Variants in PCDH15 observed in about 807,000 individuals in gnomAD.
PCDH15 encodes protocadherin related 15.
In PCDH15, 129 loss-of-function variants were observed where a neutral mutation model predicts 178.5. The ratio of observed to expected loss-of-function variants is 0.72; its 90% CI spans 0.63 to 0.84. PCDH15 has a LOEUF of 0.84. Among genes scored for constraint, PCDH15 ranks in the 40% least tolerant of loss-of-function variants. The pLI, the probability that PCDH15 is intolerant of heterozygous loss-of-function variation, is 0.00. For synonymous variants in PCDH15, 800 were observed against 732.0 expected, an observed-to-expected ratio of 1.09 and a Z score of -1.50; for missense variants, 2,230 against 2,099.9, an observed-to-expected ratio of 1.06 and a Z score of -1.21.
chr10:54,290,600 CA>C (rs2059337413), intron 8 of PCDH15, among the ~76,000 whole-genome samples: 1 of 152,058 alleles, frequency 6.6e-6, no homozygotes, highest in Non-Finnish European at 1.5e-5. Context: ...TACAGACTGG[CA>C]AATCGGATAA....
chr10:54,412,677 T>C (rs1490929782), intron 3 of PCDH15, among the ~76,000 whole-genome samples: 1 of 152,194 alleles, frequency 6.6e-6, no homozygotes, highest in Non-Finnish European at 1.5e-5. Flanking sequence ...GGATCTACCA[T>C]CCAGTTTCCA....
At chr10:53,839,960 T>C (rs1271529768) in intron 29 of PCDH15, among the ~76,000 whole-genome samples, 1 of 152,168 alleles carries the variant, frequency 6.6e-6, no homozygotes, top group Non-Finnish European at 1.5e-5. Flanking sequence ...CATATGAAAA[T>C]CATTGCAGAA....
chr10:54,052,275 A>G (rs1005525707), intron 18 of PCDH15, among the ~76,000 whole-genome samples: 3 of 152,178 alleles, frequency 2.0e-5, no homozygotes, highest in African/African-American at 7.2e-5. Context: ...TGTGCCTAGA[A>G]AAGCCGCAGG....
chr10:55,302,828 A>G (rs1588894472), intron 1 of PCDH15, among the ~76,000 whole-genome samples: 2 of 152,094 alleles, frequency 1.3e-5, no homozygotes, highest in Admixed American at 6.6e-5. Context: ...AATCCATACT[A>G]AATCTTCAAG....
chr10:54,358,036 C>T (rs942404195), intron 5 of PCDH15, among the ~76,000 whole-genome samples: 3 of 148,976 alleles, frequency 2.0e-5, no homozygotes, highest in East Asian at 1.9e-4. Flanking sequence ...AAGACTTAAA[C>T]ATTAGACCTT....
At chr10:55,627,213 A>T (rs1381576974) in intron 2 of PCDH15, among the ~76,000 whole-genome samples, 1 of 151,302 alleles carries the variant, frequency 6.6e-6, no homozygotes, top group East Asian at 1.9e-4. Flanking sequence ...GAAAACTTGC[A>T]TGGGGAAAAC....
chr10:54,062,050 AC>A (rs2094026979), intron 18 of PCDH15, among the ~76,000 whole-genome samples: 1 of 151,484 alleles, frequency 6.6e-6, no homozygotes, highest in Non-Finnish European at 1.5e-5. Flanking sequence ...CATGGCACAA[AC>A]CTGTCTCTAC....
intron 21 of PCDH15, among the ~76,000 whole-genome samples, chr10:53,991,910 G>A (rs933151127): frequency 6.6e-6 from 1 of 152,124 alleles, no homozygotes; most frequent in Non-Finnish European, 1.5e-5. Context: ...GGTGGGGTCA[G>A]ATAAGGGAAT....
chr10:55,464,129 C>CG (rs1221874965), intron 2 of PCDH15, among the ~76,000 whole-genome samples: 2 of 151,694 alleles, frequency 1.3e-5, no homozygotes, highest in African/African-American at 4.8e-5. Context: ...CTCTCCCTAC[C>CG]GGGAGTCGGA....
At chr10:54,750,030 AAAT>A (rs896726896) in intron 1 of PCDH15, among the ~76,000 whole-genome samples, 1 of 152,016 alleles carries the variant, frequency 6.6e-6, no homozygotes, top group Non-Finnish European at 1.5e-5. Context: ...CATTAGCAAT[AAAT>A]AATATTATTA....
chr10:55,459,229 A>T (rs1839617980), intron 2 of PCDH15, among the ~76,000 whole-genome samples: 1 of 129,994 alleles, frequency 7.7e-6, no homozygotes, highest in Non-Finnish European at 1.6e-5. Flanking sequence ...GTGTCCTTGG[A>T]GGCAAAAAAA....
intron 18 of PCDH15, among the ~76,000 whole-genome samples, chr10:54,050,854 A>G (rs974708995): frequency 2.6e-5 from 4 of 152,044 alleles, no homozygotes; most frequent in Non-Finnish European, 4.4e-5. Flanking sequence ...CATAATCCCT[A>G]CATGTCATGG....
chr10:54,375,107 C>T (rs1364027212), intron 4 of PCDH15, among the ~76,000 whole-genome samples: 1 of 152,110 alleles, frequency 6.6e-6, no homozygotes, highest in Non-Finnish European at 1.5e-5. Context: ...GGATATGGAT[C>T]TACCATGTGG....
At chr10:54,665,177 T>C (rs2094550784) in intron 1 of PCDH15, among the ~76,000 whole-genome samples, 1 of 151,566 alleles carries the variant, frequency 6.6e-6, no homozygotes, top group Admixed American at 6.6e-5. Flanking sequence ...AAGGGGACAA[T>C]AGTGATGGTA....
At chr10:54,693,465 T>C (rs1377838084) in intron 1 of PCDH15, among the ~76,000 whole-genome samples, 1 of 152,182 alleles carries the variant, frequency 6.6e-6, no homozygotes, top group Non-Finnish European at 1.5e-5. Flanking sequence ...TCTGAGATCT[T>C]GGTTTCTTAA....
intron 2 of PCDH15, among the ~76,000 whole-genome samples, chr10:54,537,288 C>G (rs766508428): frequency 5.3e-5 from 8 of 152,014 alleles, no homozygotes; most frequent in Non-Finnish European, 7.4e-5. Context: ...CCTGAGCCAA[C>G]GCGACCGGCC....
At chr10:55,388,203 C>T (rs949928768) in intron 2 of PCDH15, among the ~76,000 whole-genome samples, 5 of 151,996 alleles carry the variant, frequency 3.3e-5, no homozygotes, top group African/African-American at 4.8e-5. Context: ...CAGTCTCTCC[C>T]GCCAAGCCAA....
intron 1 of PCDH15, among the ~76,000 whole-genome samples, chr10:55,227,460 TAAGAATTGATTGATTCCC>T (rs1841082918): frequency 2.1e-5 from 1 of 47,908 alleles, no homozygotes; most frequent in Non-Finnish European, 4.5e-5. Flanking sequence ...GATCTTAAGG[TAAGAATTGATTGATTCCC>T]AGGATAACTG....
chr10:55,493,117 G>A (rs896615072), intron 2 of PCDH15, among the ~76,000 whole-genome samples: 2 of 151,574 alleles, frequency 1.3e-5, no homozygotes, highest in Admixed American at 6.6e-5. Context: ...TACAGGGAGG[G>A]ACAGAAAAAT....
Sources: allele counts gnomAD v4.1 joint callset (sites outside exome capture counted in the v4.1 genomes callset), GRCh38; gene constraint gnomAD v4.1.1; transcripts MANE v1.5; gene names NCBI Gene and HGNC (gene_info 2026-07-23, HGNC 2026-07-21).